The following EXOC6 variants were observed in gnomAD, a reference collection of about 807,000 sequenced individuals.
The protein encoded by EXOC6 is SEC15-like 1.
In EXOC6, 60 loss-of-function variants were observed where a neutral mutation model predicts 112.5. That is an observed-to-expected ratio of 0.53 (90% CI 0.43 to 0.66). The LOEUF is 0.66. Ranked by LOEUF, EXOC6 falls within the 30% of genes least tolerant of loss-of-function variation. EXOC6 has a pLI of 0.00. For missense variants in EXOC6, 855 were observed against 957.1 expected, an observed-to-expected ratio of 0.89 and a Z score of 1.41; for synonymous variants, 295 against 308.0, an observed-to-expected ratio of 0.96 and a Z score of 0.44.
chr10:92,863,102 T>A (rs977639168), intron 1 of EXOC6, among the ~76,000 whole-genome samples: 2 of 152,216 alleles, frequency 1.3e-5, no homozygotes, highest in African/African-American at 4.8e-5. Context: ...TATGGCTAAT[T>A]AATCAGTGTA....
chr10:92,892,004 C>A (rs1230989640), intron 1 of EXOC6, among the ~76,000 whole-genome samples: 1 of 152,130 alleles, frequency 6.6e-6, no homozygotes, highest in Non-Finnish European at 1.5e-5. Flanking sequence ...ACCTGTCCTG[C>A]AGATGAAAAG....
chr10:92,916,818 AAGTC>A (rs769335476), intron 7 of EXOC6, among the ~76,000 whole-genome samples: 15 of 152,284 alleles, frequency 9.9e-5, no homozygotes, highest in Admixed American at 2.6e-4. Flanking sequence ...CAAGTTGACA[AAGTC>A]AGTCAGATTG....
chr10:92,953,170 C>A (rs1853513705), intron 15 of EXOC6, among the ~76,000 whole-genome samples: 1 of 152,114 alleles, frequency 6.6e-6, no homozygotes. Context: ...CCTCGATCTC[C>A]TGGGCTCAAG....
chr10:92,878,643 G>T (rs765133388), intron 1 of EXOC6, among the ~76,000 whole-genome samples: 1 of 152,020 alleles, frequency 6.6e-6, no homozygotes, highest in Non-Finnish European at 1.5e-5. Context: ...TCTTCCTGGG[G>T]GTGCCAAATT....
chr10:92,997,243 T>C (rs1843535115), intron 18 of EXOC6, among the ~76,000 whole-genome samples: 1 of 152,158 alleles, frequency 6.6e-6, no homozygotes, highest in African/African-American at 2.4e-5. Flanking sequence ...CAGTTAGAGC[T>C]TTAATGATAT....
chr10:92,849,231 G>A (rs892472757), intron 1 of EXOC6, among the ~76,000 whole-genome samples: 2 of 152,118 alleles, frequency 1.3e-5, no homozygotes, highest in Non-Finnish European at 2.9e-5. Flanking sequence ...TGGGCTGGAG[G>A]AGAGCAGCTG....
chr10:92,845,278 C>T (rs897665046), upstream of EXOC6, among the ~76,000 whole-genome samples: 2 of 152,180 alleles, frequency 1.3e-5, no homozygotes, highest in East Asian at 1.9e-4. Context: ...TGGGGCTGGG[C>T]GTGGTGGCTC....
chr10:92,881,386 A>T (rs1848957146), intron 1 of EXOC6, among the ~76,000 whole-genome samples: 1 of 152,178 alleles, frequency 6.6e-6, no homozygotes. Flanking sequence ...TTATTGTAAG[A>T]TGTGCAAAGA....
Position 92,934,491 on chromosome 10 carries a change from T to C in EXOC6, c.1140+61T>C, listed in dbSNP as rs148427105. 3.7e-5 allele frequency: 52 copies of C among 1,410,706 alleles called. No individual in the cohort carries two copies. In the East Asian group the frequency reaches 1.2e-3, roughly 33 times the overall value. The allele number at this position is 1,410,706 out of a possible 1,614,324, so 87.4% of individuals were successfully genotyped here. On this transcript the variant is annotated intron_variant, in intron 11 of 21. Coordinates refer to ENST00000260762, the MANE Select transcript of EXOC6 (RefSeq NM_019053.6). Reference sequence around the variant, plus strand: ...TCAGTTACTTCAAGAACTTCTGAGCTGCATAATGTCAGAGGAAAACTGTAC... The same window carrying C: ...TCAGTTACTTCAAGAACTTCTGAGCCGCATAATGTCAGAGGAAAACTGTAC...
chr10:92,909,302 C>T (rs1850610929), intron 5 of EXOC6, 125 bp from the exon 6 acceptor site: 2 of 605,186 alleles, frequency 3.3e-6, no homozygotes, highest in Non-Finnish European at 5.5e-6. Context: ...ATTAATTTTA[C>T]TTATTTTAAC....
intron 9 of EXOC6, among the ~76,000 whole-genome samples, chr10:92,932,707 G>A (rs932330834): frequency 6.6e-5 from 10 of 152,082 alleles, no homozygotes. Context: ...GGAATGTGAT[G>A]CCAAAGGGAA....
intron 17 of EXOC6, among the ~76,000 whole-genome samples, chr10:92,960,592 CA>C (rs56016433): frequency 0.013 from 1,516 of 112,916 alleles, 16 homozygotes; most frequent in African/African-American, 0.032. Context: ...ATTTAAATTG[CA>C]AAAAAAAAAA....
At chr10:92,867,187 T>C (rs973210981) in intron 1 of EXOC6, among the ~76,000 whole-genome samples, 17 of 152,152 alleles carry the variant, frequency 1.1e-4, no homozygotes, top group Non-Finnish European at 2.9e-5. Context: ...AATTCTTAAC[T>C]GGATTTGAGC....
chr10:92,877,471 G>A (rs1412833711), intron 1 of EXOC6, among the ~76,000 whole-genome samples: 1 of 152,110 alleles, frequency 6.6e-6, no homozygotes, highest in Non-Finnish European at 1.5e-5. Flanking sequence ...TACTTCTCCA[G>A]GTTCTTGATA....
rs60863083 is a variant in EXOC6, at chr10:92,827,474, CAAAAAAAAAAAAA to C, written c.-27+550_-27+562del. On this transcript the variant is annotated intron_variant, in intron 1 of 22. Transcript: ENST00000671701. ...GGGCGACAGAGTGAGGCCCTGTTGC[CAAAAAAAAAAAAA>C]AAAAAAAAAAAAAAAAAAATCCCCA... Among the ~76,000 whole-genome samples the C allele has an allele frequency of 9.3e-4, 31 of 33,208 alleles. 1 individual carries two copies. Among genetic ancestry groups the C allele is most frequent in the South Asian group, 2.7e-3 (1 of 374 alleles). 21.8% of individuals were successfully genotyped at this position (33,208 alleles called of 152,430 possible).
chr10:92,995,388 AGTG>A (rs1189975104), intron 18 of EXOC6, among the ~76,000 whole-genome samples: 1 of 146,740 alleles, frequency 6.8e-6, no homozygotes, highest in African/African-American at 2.5e-5. Flanking sequence ...TATATTGTAC[AGTG>A]TGTTTGCTTA....
intron 1 of EXOC6, among the ~76,000 whole-genome samples, chr10:92,888,639 G>A (rs1240072226): frequency 6.6e-6 from 1 of 152,060 alleles, no homozygotes; most frequent in Non-Finnish European, 1.5e-5. Context: ...GGTGTATTTT[G>A]TTTATTATTT....
chr10:92,974,283 A>G lies in EXOC6; in HGVS notation c.1953+51A>G, dbSNP rs1364855003. 3 of 1,292,578 alleles carry G rather than the reference A, an allele frequency of 2.3e-6. No individual in the cohort carries two copies. The African/African-American group carries it at 4.6e-5, about 20-fold the overall frequency. The allele number at this position is 1,292,578 out of a possible 1,614,324, so 80.1% of individuals were successfully genotyped here. On this transcript the variant is annotated intron_variant, in intron 18 of 21. Coordinates refer to ENST00000260762, the MANE Select transcript of EXOC6 (RefSeq NM_019053.6). ...GTTTTATGTTTGCTTACTAAAGTATATTTTAGAATTTAGTTTGAGGTTTCC... is the reference window on the plus strand; with the variant it reads ...GTTTTATGTTTGCTTACTAAAGTATGTTTTAGAATTTAGTTTGAGGTTTCC...
In EXOC6 at chr10:93,050,379, C is replaced by T. The variant is rs988954642; in HGVS notation, c.2170-6545C>T. Among the ~76,000 whole-genome samples the T allele has an allele frequency of 1.8e-4, 27 of 151,796 alleles. 1 individual carries two copies. The highest frequency in any genetic ancestry group is 6.5e-4 in the African/African-American group (27 of 41,294). On this transcript the variant is annotated intron_variant, in intron 20 of 21. Coordinates refer to ENST00000260762, the MANE Select transcript of EXOC6 (RefSeq NM_019053.6). Reference sequence around the variant, plus strand: ...CAGCCTGGGCAACATGGTGAAACCCCGTCTCTACAAAAAACACAAAAATTA... The same window carrying T: ...CAGCCTGGGCAACATGGTGAAACCCTGTCTCTACAAAAAACACAAAAATTA...
Sources: gnomAD v4.1 joint callset for allele counts (sites outside exome capture counted in the v4.1 genomes callset) on GRCh38, gnomAD v4.1.1 for gene constraint, MANE v1.5 for transcripts, NCBI Gene and HGNC (gene_info 2026-07-23, HGNC 2026-07-21) for gene names.